The following PIAS1 variants were observed in gnomAD, a reference collection of about 807,000 sequenced individuals.
PIAS1 encodes E3 SUMO-protein ligase PIAS1.
PIAS1 carries 6 observed loss-of-function variants against 71.3 expected under a neutral mutation model. The ratio of observed to expected loss-of-function variants is 0.08; its 90% CI spans 0.05 to 0.17. PIAS1 has a LOEUF of 0.17. PIAS1 is among the 10% of genes least tolerant of loss of function. The probability of loss-of-function intolerance (pLI) is 1.00; values close to 1 mark genes in which losing one functional copy is unlikely to be tolerated. For missense variants in PIAS1, 555 were observed against 793.6 expected (o/e 0.70, Z 3.61); for synonymous variants, 303 against 292.9 (o/e 1.03, Z -0.35).
intron 6 of PIAS1, among the ~76,000 whole-genome samples, chr15:68,150,872 GA>G (rs1259772222): frequency 4.0e-5 from 6 of 149,106 alleles, no homozygotes; most frequent in South Asian, 2.1e-4. Flanking sequence ...AAATCTGGAA[GA>G]AAAAAAAAAT....
chr15:68,114,358 T>G (rs2092548061), intron 2 of PIAS1, among the ~76,000 whole-genome samples: 1 of 152,106 alleles, frequency 6.6e-6, no homozygotes, highest in African/African-American at 2.4e-5. Flanking sequence ...TATGAATTTG[T>G]TAATGATTTA....
At chr15:68,117,392 T>A (rs565733177) in intron 2 of PIAS1, among the ~76,000 whole-genome samples, 2 of 152,274 alleles carry the variant, frequency 1.3e-5, no homozygotes, top group East Asian at 3.9e-4. Flanking sequence ...GGCCCCTTCT[T>A]GCTATTTTGA....
At chr15:68,070,756 A>G (rs1567026812) in intron 1 of PIAS1, among the ~76,000 whole-genome samples, 3 of 152,150 alleles carry the variant, frequency 2.0e-5, no homozygotes. Flanking sequence ...GGATTAAGTA[A>G]ATATATATCA....
chr15:68,100,109 A>C (rs1411805442), intron 2 of PIAS1, among the ~76,000 whole-genome samples: 1 of 151,398 alleles, frequency 6.6e-6, no homozygotes, highest in African/African-American at 2.4e-5. Flanking sequence ...AAAAAAAAAA[A>C]AAAAACACCT....
At chr15:68,149,247 G>A (rs933750557) in intron 6 of PIAS1, among the ~76,000 whole-genome samples, 2 of 151,858 alleles carry the variant, frequency 1.3e-5, no homozygotes, top group East Asian at 1.9e-4. Flanking sequence ...GGGCTAGAGG[G>A]AAAAAATGTG....
chr15:68,174,868 T>G lies in PIAS1; in HGVS notation c.1170-769T>G, dbSNP rs1207113320. 6.6e-6 allele frequency among the ~76,000 whole-genome samples: 1 copy of G among 152,172 alleles called. No individual in the cohort carries two copies. Among genetic ancestry groups the G allele is most frequent in the Non-Finnish European group, 1.5e-5 (1 of 68,014 alleles). On this transcript the variant is annotated intron_variant, in intron 9 of 13. Transcript: ENST00000249636. This position sits in a 1 kb window ranked among gnomAD's most constrained non-coding sequence, Gnocchi z 4.0. Reference sequence around the variant, plus strand: ...ACAAACAACATGTAACTTAAATGTTTTATGTTTAATTTTTCAGAAATGTCG... The same window carrying G: ...ACAAACAACATGTAACTTAAATGTTGTATGTTTAATTTTTCAGAAATGTCG...
At chr15:68,108,408 ACT>A (rs778225237) in intron 2 of PIAS1, among the ~76,000 whole-genome samples, 3 of 150,912 alleles carry the variant, frequency 2.0e-5, no homozygotes, top group Non-Finnish European at 3.0e-5. Context: ...AGGATTCCAC[ACT>A]CTCTTGATTT....
At position 68,086,573 on chromosome 15, in the gene PIAS1, A is replaced by T. The variant is rs1487787824; in HGVS notation, c.292A>T (p.Thr98Ser). 1.2e-6 allele frequency: 2 copies of T among 1,613,512 alleles called. No homozygotes were observed. The highest frequency in any genetic ancestry group is 1.7e-6 in the Non-Finnish European group (2 of 1,179,794). ...GTCTCCATCTACCATTCCACAACTC[A>T]CTTACGATGGTCACCCTGCATCATC... Reference protein sequence around the residue: ...TLSPSTIPQLTYDGHPASSPL... With the variant: ...TLSPSTIPQLSYDGHPASSPL... The change falls in exon 2 of 14, where the codon ACT (threonine) becomes TCT (serine). Residue 98 changes from threonine (T) to serine (S), a missense_variant. This residue lies in a region of PIAS1 where 80 missense variants were observed against 66.9 expected (regional missense o/e 1.20). Transcript: ENST00000249636. The surrounding 1 kb of genome is among the most constrained non-coding windows in gnomAD (Gnocchi z 7.2).
chr15:68,132,762 C>T (rs775603820), intron 2 of PIAS1, among the ~76,000 whole-genome samples: 5 of 152,134 alleles, frequency 3.3e-5, no homozygotes, highest in East Asian at 1.9e-4. Context: ...ATGTAATAAC[C>T]ACTTTGAATA....
intron 2 of PIAS1, among the ~76,000 whole-genome samples, chr15:68,091,892 C>G (rs1335679683): frequency 2.0e-5 from 3 of 152,070 alleles, no homozygotes; most frequent in African/African-American, 4.8e-5. Context: ...TGTGTAGGTA[C>G]TCGAAGTAAT....
In PIAS1 at chr15:68,189,932, G is replaced by C. The variant is rs890134063; in HGVS notation, c.*2097G>C. The C allele has an allele frequency of 3.3e-5, 5 of 152,054 alleles. No individual in the cohort carries two copies. Among genetic ancestry groups the C allele is most frequent in the African/African-American group, 1.2e-4 (5 of 41,328 alleles). The allele number at this position is 152,054 out of a possible 1,614,324, so 9.4% of individuals were successfully genotyped here. ...GGGTAGAAATTACTAAAATTGTGGGGAGTTTTTTCTGATTTTTACATTGCT... is the reference window on the plus strand; with the variant it reads ...GGGTAGAAATTACTAAAATTGTGGGCAGTTTTTTCTGATTTTTACATTGCT... On this transcript the variant is annotated 3_prime_UTR_variant, in exon 14 of 14. Coordinates refer to ENST00000249636, the MANE Select transcript of PIAS1 (RefSeq NM_016166.3).
intron 1 of PIAS1, among the ~76,000 whole-genome samples, chr15:68,077,229 G>A (rs566865364): frequency 1.3e-5 from 2 of 152,226 alleles, no homozygotes; most frequent in South Asian, 2.1e-4. Context: ...AACCTAAAAC[G>A]TGAATGACTT....
At chr15:68,138,882 C>T (rs957404854) in intron 2 of PIAS1, among the ~76,000 whole-genome samples, 1 of 152,072 alleles carries the variant, frequency 6.6e-6, no homozygotes, top group African/African-American at 2.4e-5. Context: ...TGGGAAGAGT[C>T]ATTGGAAAGG....
At chr15:68,158,954 T>G (rs982308130) in intron 7 of PIAS1, among the ~76,000 whole-genome samples, 2 of 152,206 alleles carry the variant, frequency 1.3e-5, no homozygotes, top group African/African-American at 4.8e-5. Context: ...GCTGAATTTT[T>G]ATTTAAATTT....
At chr15:68,150,716 T>A (rs1353884487) in intron 6 of PIAS1, among the ~76,000 whole-genome samples, 1 of 152,210 alleles carries the variant, frequency 6.6e-6, no homozygotes, top group Non-Finnish European at 1.5e-5. Context: ...AGATGTAGGT[T>A]GAGTATTCCT....
chr15:68,088,090 C>A (rs1243805949), intron 2 of PIAS1, among the ~76,000 whole-genome samples: 2 of 148,290 alleles, frequency 1.3e-5, no homozygotes, highest in African/African-American at 2.5e-5. Context: ...CAGAAGGAAT[C>A]ATATACATAG....
At position 68,142,055 on chromosome 15, in the gene PIAS1, G is replaced by T. The variant is rs368138983; in HGVS notation, c.554+25G>T. ...TGTAAGTTGTCGTCAAGTGTAACTT[G>T]AAGTTTGACCTTTGAATCCAGTAGT... On this transcript the variant is annotated intron_variant, in intron 3 of 13. Coordinates refer to ENST00000249636, the MANE Select transcript of PIAS1 (RefSeq NM_016166.3). The T allele has an allele frequency of 3.8e-4, 572 of 1,498,342 alleles. 2 individuals are homozygous for T. Among genetic ancestry groups the T allele is most frequent in the Non-Finnish European group, 5.0e-4 (543 of 1,086,474 alleles). The allele number at this position is 1,498,342 out of a possible 1,614,324, so 92.8% of individuals were successfully genotyped here.
intron 7 of PIAS1, 75 bp downstream of exon 7, chr15:68,153,770 A>C (rs1365297824): frequency 2.6e-6 from 2 of 758,280 alleles, no homozygotes; most frequent in Admixed American, 4.6e-5. Flanking sequence ...CAACTCAAGA[A>C]ATTTTAGAAT....
chr15:68,148,991 G>T (rs1247315840), intron 6 of PIAS1, among the ~76,000 whole-genome samples: 1 of 152,038 alleles, frequency 6.6e-6, no homozygotes, highest in South Asian at 2.1e-4. Flanking sequence ...TGACTGATGA[G>T]TCCTTGGTTT....
Sources: gnomAD v4.1 joint callset for allele counts (sites outside exome capture counted in the v4.1 genomes callset) on GRCh38, gnomAD v4.1.1 for gene constraint, gnomAD v4.1.1 regional missense constraint, Gnocchi (gnomAD v3.1) non-coding constraint, MANE v1.5 for transcripts, NCBI Gene and HGNC (gene_info 2026-07-23, HGNC 2026-07-21) for gene names.